Variants in AKAP13 observed in about 807,000 individuals in gnomAD.
The protein encoded by AKAP13 is A-kinase anchoring protein 13.
AKAP13 carries 80 observed loss-of-function variants against 264.5 expected under a neutral mutation model. The ratio of observed to expected loss-of-function variants is 0.30; its 90% CI spans 0.25 to 0.36. AKAP13 has a LOEUF of 0.36. Ranked by LOEUF, AKAP13 falls within the 10% of genes least tolerant of loss-of-function variation. The pLI, the probability that AKAP13 is intolerant of heterozygous loss-of-function variation, is 1.00. For missense variants in AKAP13, 3,712 were observed against 3,435.2 expected (o/e 1.08, Z -2.01); for synonymous variants, 1,380 against 1,250.2 (o/e 1.10, Z -2.19).
intron 3 of AKAP13, among the ~76,000 whole-genome samples, chr15:85,530,207 C>T (rs980282058): frequency 6.6e-6 from 1 of 152,164 alleles, no homozygotes; most frequent in African/African-American, 2.4e-5. Context: ...TTCTGTTTCT[C>T]TCCCTGTCGT....
chr15:85,731,200 T>C (rs1442929475), intron 30 of AKAP13, among the ~76,000 whole-genome samples: 2 of 151,974 alleles, frequency 1.3e-5, no homozygotes, highest in African/African-American at 4.8e-5. Flanking sequence ...GATACAGGGT[T>C]TCACCATGTT....
intron 16 of AKAP13, among the ~76,000 whole-genome samples, chr15:85,691,170 C>T (rs28502038): frequency 0.014 from 2,185 of 152,258 alleles, 57 homozygotes; most frequent in African/African-American, 0.05. Flanking sequence ...TTGGGACACC[C>T]ATTTTCCTGG....
chr15:85,676,245 G>A (rs1353662091), intron 14 of AKAP13, among the ~76,000 whole-genome samples: 1 of 152,218 alleles, frequency 6.6e-6, no homozygotes, highest in African/African-American at 2.4e-5. Context: ...AGTTACAGTA[G>A]TAGACAATGT....
intron 17 of AKAP13, 22 bp from the exon 18 acceptor site, chr15:85,707,997 C>T: frequency 6.2e-7 from 1 of 1,613,030 alleles, no homozygotes; most frequent in Non-Finnish European, 8.5e-7. Flanking sequence ...TCCATGTGAC[C>T]TTGGGTTTGC....
At chr15:85,630,719 T>C (rs1460723006) in intron 8 of AKAP13, among the ~76,000 whole-genome samples, 1 of 152,086 alleles carries the variant, frequency 6.6e-6, no homozygotes. Flanking sequence ...GATTTTTCCA[T>C]TAAAAAAAAG....
At chr15:85,601,960 A>T (rs1285709987) in intron 8 of AKAP13, among the ~76,000 whole-genome samples, 2 of 152,086 alleles carry the variant, frequency 1.3e-5, no homozygotes, top group Non-Finnish European at 2.9e-5. Context: ...CTTAATATAA[A>T]ATATTTGGAT....
intron 3 of AKAP13, among the ~76,000 whole-genome samples, chr15:85,526,710 C>T (rs942230719): frequency 2.0e-5 from 3 of 152,202 alleles, no homozygotes; most frequent in African/African-American, 7.2e-5. Flanking sequence ...CCCCCATCCC[C>T]CAGCCTGGCC....
At chr15:85,499,089 T>C (rs967298114) in intron 2 of AKAP13, among the ~76,000 whole-genome samples, 5 of 152,164 alleles carry the variant, frequency 3.3e-5, no homozygotes, top group African/African-American at 9.7e-5. Flanking sequence ...GGAAAGTGTA[T>C]ATATTAAGTA....
intron 9 of AKAP13, among the ~76,000 whole-genome samples, chr15:85,643,687 A>T (rs905883568): frequency 6.6e-6 from 1 of 152,082 alleles, no homozygotes; most frequent in African/African-American, 2.4e-5. Flanking sequence ...AGGCCACCCA[A>T]CCTATTGCTA....
At chr15:85,501,079 C>A (rs750208007) in intron 2 of AKAP13, among the ~76,000 whole-genome samples, 1 of 152,136 alleles carries the variant, frequency 6.6e-6, no homozygotes, top group Non-Finnish European at 1.5e-5. Flanking sequence ...TTAAAGAAGG[C>A]CAGGGGTGAT....
intron 7 of AKAP13, among the ~76,000 whole-genome samples, chr15:85,584,634 A>T (rs2079264182): frequency 6.6e-6 from 1 of 152,246 alleles, no homozygotes; most frequent in East Asian, 1.9e-4. Flanking sequence ...TATAATTATA[A>T]GGTCAAAGAA....
At chr15:85,735,977 A>G (rs1377402513) in intron 32 of AKAP13, 113 bp from the exon 33 acceptor site, 1 of 878,504 alleles carries the variant, frequency 1.1e-6, no homozygotes, top group Non-Finnish European at 1.9e-6. Context: ...TCACTACCTT[A>G]GTGAGAGGCT....
chr15:85,613,478 G>A (rs960841906), intron 8 of AKAP13, among the ~76,000 whole-genome samples: 11 of 151,762 alleles, frequency 7.2e-5, no homozygotes, highest in South Asian at 4.2e-4. Flanking sequence ...TCAGGAGATC[G>A]AGACCATCCT....
intron 17 of AKAP13, among the ~76,000 whole-genome samples, chr15:85,696,349 A>G (rs2085565713): frequency 6.6e-6 from 1 of 152,232 alleles, no homozygotes; most frequent in Non-Finnish European, 1.5e-5. Context: ...CCATCTCCTG[A>G]GTGAAGAATA....
chr15:85,674,048 A>G lies in AKAP13; in HGVS notation c.5101+4218A>G, dbSNP rs1279887079. On this transcript the variant is annotated intron_variant, in intron 14 of 36. Transcript: ENST00000394518. ...CCTTTTCATTGCTCCCACCCAGAAG[A>G]TGCTTCAAATAATAGAGAATCTGCT... Among the ~76,000 whole-genome samples the G allele has an allele frequency of 3.9e-5, 6 of 151,964 alleles. No homozygotes were observed. The East Asian group carries it at 1.2e-3, about 29-fold the overall frequency.
rs545164634 is a variant in AKAP13 at position 85,745,144 on chromosome 15, A to C, written c.*467A>C. 9.0e-4 allele frequency: 140 copies of C among 155,228 alleles called. No homozygotes were observed. The highest frequency in any genetic ancestry group is 1.1e-3 in the African/African-American group (44 of 41,598). The allele number at this position is 155,228 out of a possible 1,614,324, so 9.6% of individuals were successfully genotyped here. On this transcript the variant is annotated 3_prime_UTR_variant, in exon 37 of 37. Coordinates refer to ENST00000394518, the MANE Select transcript of AKAP13 (RefSeq NM_007200.5). ...TATACACACGGGGAATGCCAGAAGA[A>C]GGCCCAGTCTGCACCAGGCGTCTGG...
Position 85,655,647 on chromosome 15 carries a change from G to A in AKAP13, c.4605G>A (p.Glu1535=), listed in dbSNP as rs1411400352. Residue 1535 remains glutamate (E), a synonymous_variant, in exon 11 of 37, where the codon GAG becomes GAA. Transcript: ENST00000394518. ...SEPADPGDVE[E]EEMDSITEVP... is the part of the protein sequence containing the mutation. ...CTGCTGACCCAGGCGACGTGGAGGA[G>A]GAGGAGATGGACAGTATCACTGAAG... is the stretch of plus-strand genomic sequence containing the variant. 1 of 1,614,218 alleles carries A rather than the reference G, an allele frequency of 6.2e-7. No individual in the cohort carries two copies. The highest frequency in any genetic ancestry group is 8.5e-7 in the Non-Finnish European group (1 of 1,180,034).
chr15:85,411,654 G>A (rs2071975752), intron 1 of AKAP13, among the ~76,000 whole-genome samples: 2 of 152,052 alleles, frequency 1.3e-5, no homozygotes, highest in African/African-American at 2.4e-5. Flanking sequence ...ACCCAGGGTG[G>A]TCTCGATCTC....
At chr15:85,555,313 G>C in intron 5 of AKAP13, 1 of 644,780 alleles carries the variant, frequency 1.6e-6, no homozygotes, top group Non-Finnish European at 2.4e-6. Context: ...AGAAGATATT[G>C]CAATAGCCCT....
Sources: gnomAD v4.1 joint callset for allele counts (sites outside exome capture counted in the v4.1 genomes callset) on GRCh38, gnomAD v4.1.1 for gene constraint, MANE v1.5 for transcripts, NCBI Gene and HGNC (gene_info 2026-07-23, HGNC 2026-07-21) for gene names.